PCDHA8: variants seen among roughly 807,000 people sequenced by gnomAD.
The protein encoded by PCDHA8 is protocadherin alpha-8.
PCDHA8 carries 53 observed loss-of-function variants against 61.8 expected under a neutral mutation model. The observed-to-expected ratio is 0.86, with a 90% CI of 0.69 to 1.08. PCDHA8 has a LOEUF of 1.08. PCDHA8 is among the 50% of genes least tolerant of loss of function. The pLI, the probability that PCDHA8 is intolerant of heterozygous loss-of-function variation, is 0.00. For missense variants in PCDHA8, 1,293 were observed against 1,245.0 expected, an observed-to-expected ratio of 1.04 and a Z score of -0.58; for synonymous variants, 618 against 556.6, an observed-to-expected ratio of 1.11 and a Z score of -1.55.
intron 1 of PCDHA8, chr5:140,866,572 GTGGT>G (rs1562601054): frequency 6.6e-6 from 1 of 152,168 alleles, no homozygotes; most frequent in African/African-American, 2.4e-5. Context: ...TGTTAATACA[GTGGT>G]TGGATAATGT....
At chr5:140,963,206 AC>A (rs145404740) in intron 1 of PCDHA8, among the ~76,000 whole-genome samples, 1,595 of 152,188 alleles carry the variant, frequency 0.01, 28 homozygotes, top group African/African-American at 0.037. Context: ...GAAAAAAAAA[AC>A]CTCGTGTTTA....
intron 1 of PCDHA8, chr5:140,851,545 G>T (rs912054365): frequency 2.4e-5 from 22 of 908,160 alleles, no homozygotes; most frequent in Non-Finnish European, 2.7e-5. Flanking sequence ...GATAATTCAA[G>T]AAATGTTGAC....
chr5:140,872,623 T>C (rs960064096), intron 1 of PCDHA8, among the ~76,000 whole-genome samples: 3 of 152,152 alleles, frequency 2.0e-5, no homozygotes, highest in African/African-American at 4.8e-5. Flanking sequence ...TTGCCTGTTC[T>C]TGATTTTGTT....
At chr5:140,943,516 A>T (rs1202948180) in intron 1 of PCDHA8, among the ~76,000 whole-genome samples, 1 of 152,176 alleles carries the variant, frequency 6.6e-6, no homozygotes, top group Admixed American at 6.5e-5. Context: ...GGAAATGTTG[A>T]GTTCAGTATG....
At chr5:140,872,211 T>C (rs2053549148) in intron 1 of PCDHA8, among the ~76,000 whole-genome samples, 1 of 152,218 alleles carries the variant, frequency 6.6e-6, no homozygotes, top group South Asian at 2.1e-4. Flanking sequence ...ATTCATTATA[T>C]ATGAAACAAT....
intron 1 of PCDHA8, chr5:140,929,034 C>T (rs561529051): frequency 2.5e-6 from 4 of 1,614,158 alleles, no homozygotes; most frequent in East Asian, 4.5e-5. Flanking sequence ...CAGGCTGTTG[C>T]GCTCAGAGCT....
chr5:140,848,496 A>C, intron 1 of PCDHA8: 1 of 1,577,756 alleles, frequency 6.3e-7, no homozygotes, highest in South Asian at 1.1e-5. Context: ...AGTATTTGAA[A>C]TGTTATACTC....
At chr5:140,969,552 T>A in intron 1 of PCDHA8, 1 of 1,234,382 alleles carries the variant, frequency 8.1e-7, no homozygotes, top group Non-Finnish European at 1.1e-6. Flanking sequence ...CATGAAGCCT[T>A]GTCCATAAAA....
chr5:140,999,527 C>T (rs578180518), intron 3 of PCDHA8, among the ~76,000 whole-genome samples: 27 of 152,206 alleles, frequency 1.8e-4, no homozygotes, highest in African/African-American at 5.8e-4. Flanking sequence ...TTGTTACCCC[C>T]TGGATATGAC....
chr5:140,997,668 TTGTGTGTG>T (rs35184029), intron 3 of PCDHA8, among the ~76,000 whole-genome samples: 1 of 148,244 alleles, frequency 6.7e-6, no homozygotes, highest in Non-Finnish European at 1.5e-5. Context: ...ATTATACAGC[TTGTGTGTG>T]TGTGTGTGTG....
At chr5:140,922,371 T>G (rs1194947703) in intron 1 of PCDHA8, among the ~76,000 whole-genome samples, 1 of 152,204 alleles carries the variant, frequency 6.6e-6, no homozygotes, top group Non-Finnish European at 1.5e-5. Context: ...CTCACTGAGA[T>G]GCAAAACCAA....
At chr5:140,929,228 A>G in intron 1 of PCDHA8, 1 of 1,613,898 alleles carries the variant, frequency 6.2e-7, no homozygotes, top group Non-Finnish European at 8.5e-7. Flanking sequence ...AATGCTGCCG[A>G]CCTGCGAAAT....
chr5:140,906,798 C>T (rs1456677849), intron 1 of PCDHA8, among the ~76,000 whole-genome samples: 1 of 152,192 alleles, frequency 6.6e-6, no homozygotes, highest in Non-Finnish European at 1.5e-5. Context: ...TCCATGCATA[C>T]TCTTCCTTAC....
chr5:140,843,514 G>T lies in PCDHA8; in HGVS notation c.2193G>T (p.Gly731=), dbSNP rs2150361625. 18 of 1,595,918 alleles carry T rather than the reference G, an allele frequency of 1.1e-5. 2 individuals carry two copies. Among genetic ancestry groups the T allele is most frequent in the Non-Finnish European group, 1.5e-5 (18 of 1,165,532 alleles). ...LRCSALPTEG[G]CRAGKPTLVC... The stretch of plus-strand genomic sequence containing the variant: ...GCTCAGCACTGCCCACTGAGGGCGG[G>T]TGCCGGGCGGGCAAGCCCACTCTGG... Residue 731 remains glycine, a synonymous_variant, in exon 1 of 4, where the codon GGG becomes GGT. Coordinates refer to ENST00000531613, the MANE Select transcript of PCDHA8 (RefSeq NM_018911.3).
At chr5:140,951,234 C>A (rs1003242029) in intron 1 of PCDHA8, among the ~76,000 whole-genome samples, 2 of 152,028 alleles carry the variant, frequency 1.3e-5, no homozygotes. Flanking sequence ...ATGGTCTTTA[C>A]CTTTAGGAAT....
chr5:140,877,811 G>T (rs1256619106), intron 1 of PCDHA8: 1 of 1,610,242 alleles, frequency 6.2e-7, no homozygotes, highest in Non-Finnish European at 8.5e-7. Flanking sequence ...CAGCTGTCTC[G>T]AGAAGATTGT....
chr5:140,869,469 G>A lies in PCDHA8; in HGVS notation c.2394+25754G>A, dbSNP rs781981842. The A allele has an allele frequency of 2.0e-5, 32 of 1,614,092 alleles. No individual in the cohort carries two copies. In the East Asian group the frequency reaches 5.1e-4, roughly 26 times the overall value. On this transcript the variant is annotated intron_variant, in intron 1 of 3. Coordinates refer to ENST00000531613, the MANE Select transcript of PCDHA8 (RefSeq NM_018911.3). Reference sequence around the variant, plus strand: ...TGCAGGTTTTCCATGTGAACGTGGAGGTGAAGGACATTAACGACAACCCGC... The same window carrying A: ...TGCAGGTTTTCCATGTGAACGTGGAAGTGAAGGACATTAACGACAACCCGC...
intron 1 of PCDHA8, among the ~76,000 whole-genome samples, chr5:140,938,952 C>G (rs1036829091): frequency 4.6e-5 from 7 of 152,104 alleles, no homozygotes; most frequent in South Asian, 2.1e-4. Flanking sequence ...TTATAATGCT[C>G]TAGTCGGAGT....
intron 1 of PCDHA8, among the ~76,000 whole-genome samples, chr5:140,952,541 T>G (rs1554220493): frequency 6.6e-6 from 1 of 152,140 alleles, no homozygotes; most frequent in African/African-American, 2.4e-5. Flanking sequence ...CTGGACTTCT[T>G]TGTCCATTTC....
Sources: gnomAD v4.1 joint callset for allele counts (sites outside exome capture counted in the v4.1 genomes callset) on GRCh38, gnomAD v4.1.1 for gene constraint, MANE v1.5 for transcripts, NCBI Gene and HGNC (gene_info 2026-07-23, HGNC 2026-07-21) for gene names.